The following RBFOX1 variants were observed in gnomAD, a reference collection of about 807,000 sequenced individuals.
RBFOX1 encodes the protein RNA binding fox-1 homolog 1, also known as RNA binding protein fox-1 homolog 1.
Under a neutral mutation model 57.7 loss-of-function variants are expected in RBFOX1, and 8 were observed. That is an observed-to-expected ratio of 0.14 (90% confidence interval 0.08 to 0.25). The LOEUF (loss-of-function observed/expected upper bound fraction) is 0.25, where lower values mean the gene tolerates loss of function less well. Among genes scored for constraint, RBFOX1 ranks in the 10% least tolerant of loss-of-function variants. The pLI is 1.00. For synonymous variants in RBFOX1, 326 were observed against 222.4 expected, an observed-to-expected ratio of 1.47 and a Z score of -4.15; for missense variants, 611 against 548.5, an observed-to-expected ratio of 1.11 and a Z score of -1.14.
chr16:6,797,365 G>A (rs1395533187), intron 3 of RBFOX1, among the ~76,000 whole-genome samples: 1 of 152,144 alleles, frequency 6.6e-6, no homozygotes, highest in Admixed American at 6.5e-5. Context: ...AGCAGAGAGT[G>A]GAGATTATTA....
At chr16:7,697,428 G>T (rs185272705) in intron 14 of RBFOX1, among the ~76,000 whole-genome samples, 1 of 152,254 alleles carries the variant, frequency 6.6e-6, no homozygotes, top group East Asian at 1.9e-4. Context: ...ATTGTCCCTT[G>T]TTGAGGGCTT....
intron 3 of RBFOX1, among the ~76,000 whole-genome samples, chr16:6,912,905 C>G (rs1219708320): frequency 2.0e-5 from 3 of 152,160 alleles, no homozygotes; most frequent in African/African-American, 7.2e-5. Context: ...CAGGCATGAG[C>G]CACCAAGCCC....
At chr16:7,511,841 C>A (rs1304298599) in intron 4 of RBFOX1, among the ~76,000 whole-genome samples, 1 of 152,150 alleles carries the variant, frequency 6.6e-6, no homozygotes, top group Non-Finnish European at 1.5e-5. Flanking sequence ...TTTCAAGCTT[C>A]TAGTCAGTTG....
intron 1 of RBFOX1, among the ~76,000 whole-genome samples, chr16:6,115,178 T>C (rs145648806): frequency 0.011 from 1,612 of 152,332 alleles, 37 homozygotes; most frequent in Admixed American, 0.054. Flanking sequence ...CCTGCCATTT[T>C]ATTTTTACTT....
chr16:7,264,435 T>A (rs1042817877), intron 4 of RBFOX1, among the ~76,000 whole-genome samples: 8 of 152,188 alleles, frequency 5.3e-5, no homozygotes, highest in African/African-American at 1.7e-4. Flanking sequence ...AGTAGTCCAG[T>A]GTCTTGCTCA....
At chr16:7,145,362 A>G (rs1380162114) in intron 4 of RBFOX1, among the ~76,000 whole-genome samples, 1 of 151,950 alleles carries the variant, frequency 6.6e-6, no homozygotes, top group Non-Finnish European at 1.5e-5. Flanking sequence ...GCACCACCAC[A>G]TCTGGTTCAT....
At chr16:6,854,158 G>A (rs535488080) in intron 3 of RBFOX1, among the ~76,000 whole-genome samples, 1 of 152,252 alleles carries the variant, frequency 6.6e-6, no homozygotes, top group South Asian at 2.1e-4. Context: ...ATGAGTGTCT[G>A]ACGTTTATTA....
chr16:5,626,921 C>A (rs2048365739), intron 3 of RBFOX1, among the ~76,000 whole-genome samples: 1 of 152,150 alleles, frequency 6.6e-6, no homozygotes, highest in Non-Finnish European at 1.5e-5. Context: ...AACAACTGAA[C>A]ATCTACATTT....
chr16:5,987,074 G>A (rs2060299474), intron 4 of RBFOX1, among the ~76,000 whole-genome samples: 2 of 152,102 alleles, frequency 1.3e-5, no homozygotes, highest in Non-Finnish European at 2.9e-5. Flanking sequence ...TATTCTTACA[G>A]GTTGTAGTGA....
intron 3 of RBFOX1, among the ~76,000 whole-genome samples, chr16:6,817,195 A>G (rs1475825606): frequency 6.6e-6 from 1 of 152,116 alleles, no homozygotes; most frequent in Non-Finnish European, 1.5e-5. Flanking sequence ...ATCACTGTCC[A>G]CTTGATTAGG....
At chr16:7,045,436 C>T (rs1436168603) in intron 3 of RBFOX1, among the ~76,000 whole-genome samples, 2 of 152,108 alleles carry the variant, frequency 1.3e-5, no homozygotes, top group Non-Finnish European at 2.9e-5. Flanking sequence ...CCTTATTTGG[C>T]TTCATTTGAA....
At chr16:7,280,344 A>G (rs997371500) in intron 4 of RBFOX1, among the ~76,000 whole-genome samples, 1 of 152,186 alleles carries the variant, frequency 6.6e-6, no homozygotes, top group Admixed American at 6.5e-5. Flanking sequence ...ATAGACCCTA[A>G]GACTATTAAC....
intron 4 of RBFOX1, among the ~76,000 whole-genome samples, chr16:7,346,740 G>T (rs1311527667): frequency 6.6e-6 from 1 of 152,074 alleles, no homozygotes; most frequent in African/African-American, 2.4e-5. Flanking sequence ...GGCTTCCTGT[G>T]GGTTGACTGA....
At chr16:5,944,608 C>T (rs753933194) in intron 4 of RBFOX1, among the ~76,000 whole-genome samples, 9 of 151,108 alleles carry the variant, frequency 6.0e-5, no homozygotes, top group East Asian at 5.9e-4. Context: ...ATGGAGGCAA[C>T]GAGGAAATCT....
At chr16:6,588,846 C>T (rs2153985517) in intron 2 of RBFOX1, among the ~76,000 whole-genome samples, 1 of 152,272 alleles carries the variant, frequency 6.6e-6, no homozygotes, top group African/African-American at 2.4e-5. Flanking sequence ...GTCTCACTGC[C>T]TCCTTAGCTG....
chr16:6,268,221 T>C (rs986504320), intron 1 of RBFOX1, among the ~76,000 whole-genome samples: 4 of 152,224 alleles, frequency 2.6e-5, no homozygotes, highest in African/African-American at 9.6e-5. Context: ...CAAATGCTTT[T>C]GTTTTGAATC....
At chr16:7,086,221 G>A (rs754291284) in intron 4 of RBFOX1, among the ~76,000 whole-genome samples, 2 of 152,040 alleles carry the variant, frequency 1.3e-5, no homozygotes, top group African/African-American at 2.4e-5. Flanking sequence ...AATTGTTTAG[G>A]TTGACATTTT....
intron 13 of RBFOX1, among the ~76,000 whole-genome samples, chr16:7,670,077 G>A (rs1434248924): frequency 6.6e-6 from 1 of 152,114 alleles, no homozygotes; most frequent in Non-Finnish European, 1.5e-5. Flanking sequence ...TATCACCCAG[G>A]GTGGAGTGCA....
intron 3 of RBFOX1, among the ~76,000 whole-genome samples, chr16:5,770,670 C>T (rs1265022647): frequency 6.6e-6 from 1 of 152,000 alleles, no homozygotes. Flanking sequence ...TTCTTTCCTG[C>T]ACATAGCCAA....
Sources: gnomAD v4.1 joint callset for allele counts (sites outside exome capture counted in the v4.1 genomes callset) on GRCh38, gnomAD v4.1.1 for gene constraint, MANE v1.5 for transcripts, NCBI Gene and HGNC (gene_info 2026-07-23, HGNC 2026-07-21) for gene names.